The following ROBO1 variants were observed in gnomAD, a reference collection of about 807,000 sequenced individuals.
The protein encoded by ROBO1 is roundabout homolog 1.
Under a neutral mutation model 195.9 loss-of-function variants are expected in ROBO1, and 149 were observed. The ratio of observed to expected loss-of-function variants is 0.76; its 90% CI spans 0.67 to 0.87. The LOEUF (loss-of-function observed/expected upper bound fraction) is 0.87, where lower values mean the gene tolerates loss of function less well. ROBO1 is among the 40% of genes least tolerant of loss of function. The pLI, the probability that ROBO1 is intolerant of heterozygous loss-of-function variation, is 0.00. For synonymous variants in ROBO1, 816 were observed against 733.2 expected (o/e 1.11, Z -1.82); for missense variants, 1,933 against 2,068.3 (o/e 0.93, Z 1.27).
At chr3:79,043,133 T>C (rs750014211) in intron 3 of ROBO1, among the ~76,000 whole-genome samples, 8 of 152,210 alleles carry the variant, frequency 5.3e-5, no homozygotes, top group African/African-American at 1.2e-4. Flanking sequence ...CTCAAGAAGA[T>C]TGTCAATAAG....
intron 2 of ROBO1, among the ~76,000 whole-genome samples, chr3:79,209,883 C>T (rs1479473413): frequency 6.6e-6 from 1 of 152,060 alleles, no homozygotes; most frequent in Non-Finnish European, 1.5e-5. Flanking sequence ...GTAGCACTGC[C>T]ATACACCAAA....
chr3:78,725,801 G>A (rs938349521), intron 5 of ROBO1, among the ~76,000 whole-genome samples: 12 of 152,020 alleles, frequency 7.9e-5, no homozygotes, highest in African/African-American at 2.4e-4. Context: ...TGGGTTATCC[G>A]AGAGTACACA....
At chr3:78,952,032 T>G (rs1022724988) in intron 3 of ROBO1, among the ~76,000 whole-genome samples, 3 of 151,660 alleles carry the variant, frequency 2.0e-5, no homozygotes, top group Non-Finnish European at 4.4e-5. Context: ...GACATTAATA[T>G]TTACCTTATG....
chr3:78,749,271 T>C (rs1249026587), intron 4 of ROBO1, among the ~76,000 whole-genome samples: 2 of 152,156 alleles, frequency 1.3e-5, no homozygotes, highest in Non-Finnish European at 2.9e-5. Context: ...AATTTGGTAA[T>C]GCTATATCTT....
intron 2 of ROBO1, among the ~76,000 whole-genome samples, chr3:79,464,981 G>C (rs1937877049): frequency 6.6e-6 from 1 of 152,124 alleles, no homozygotes; most frequent in Non-Finnish European, 1.5e-5. Context: ...AGAGGAGAGA[G>C]GGCCCTAATC....
intron 3 of ROBO1, among the ~76,000 whole-genome samples, chr3:78,948,900 T>G (rs921844942): frequency 6.6e-6 from 1 of 151,930 alleles, no homozygotes; most frequent in African/African-American, 2.4e-5. Context: ...ATGAGTGAAC[T>G]CCCATTCACA....
intron 1 of ROBO1, among the ~76,000 whole-genome samples, chr3:79,713,005 C>T (rs1702335593): frequency 6.6e-6 from 1 of 151,924 alleles, no homozygotes. Context: ...TATACATGTG[C>T]CATGTTGGTG....
At chr3:79,557,743 A>T (rs59903510) in intron 2 of ROBO1, among the ~76,000 whole-genome samples, 36,263 of 130,250 alleles carry the variant, frequency 0.28, 5,971 homozygotes, top group Non-Finnish European at 0.32. Flanking sequence ...AACAAAAAAA[A>T]ATATATATAT....
At chr3:79,483,854 G>A (rs1939001090) in intron 2 of ROBO1, among the ~76,000 whole-genome samples, 1 of 152,082 alleles carries the variant, frequency 6.6e-6, no homozygotes, top group Admixed American at 6.5e-5. Context: ...AGCCAGTAGA[G>A]AAATCTCTAA....
intron 10 of ROBO1, among the ~76,000 whole-genome samples, chr3:78,672,357 T>C (rs900358862): frequency 2.0e-5 from 3 of 152,026 alleles, no homozygotes; most frequent in African/African-American, 4.8e-5. Flanking sequence ...GTAAGGTGGA[T>C]TGCTTAAGCC....
At chr3:78,714,994 G>T (rs10049102) in intron 7 of ROBO1, 44,804 of 152,204 alleles carry the variant, frequency 0.29, 7,120 homozygotes, top group African/African-American at 0.42. Context: ...CGGTGGCAGA[G>T]TCGAAATTTG....
intron 2 of ROBO1, among the ~76,000 whole-genome samples, chr3:79,470,334 C>G (rs1404129563): frequency 6.6e-6 from 1 of 152,130 alleles, no homozygotes; most frequent in Non-Finnish European, 1.5e-5. Context: ...ACCACATGTT[C>G]TCACTCATAG....
intron 25 of ROBO1, among the ~76,000 whole-genome samples, chr3:78,630,842 T>G (rs1429796479): frequency 6.6e-6 from 1 of 152,150 alleles, no homozygotes; most frequent in Non-Finnish European, 1.5e-5. Context: ...TCACAGAAGT[T>G]CTAATACTCA....
At chr3:79,018,650 T>A in intron 3 of ROBO1, 1 of 1,412,858 alleles carries the variant, frequency 7.1e-7, no homozygotes, top group Admixed American at 2.7e-5. Flanking sequence ...CAGAGACTTT[T>A]GCAGAGGAAG....
intron 2 of ROBO1, among the ~76,000 whole-genome samples, chr3:79,580,443 T>C (rs1943623492): frequency 6.6e-6 from 1 of 151,750 alleles, no homozygotes. Flanking sequence ...GATCACACCA[T>C]TGCACTCCAG....
At chr3:78,774,618 A>AT (rs2083459985) in intron 4 of ROBO1, among the ~76,000 whole-genome samples, 3 of 151,546 alleles carry the variant, frequency 2.0e-5, no homozygotes, top group Non-Finnish European at 2.9e-5. Context: ...AAAAAAAAAA[A>AT]ATCTACCACT....
chr3:79,190,204 A>G (rs2081512307), intron 2 of ROBO1, among the ~76,000 whole-genome samples: 1 of 151,622 alleles, frequency 6.6e-6, no homozygotes, highest in African/African-American at 2.4e-5. Context: ...CTGATTCCAC[A>G]TAGAATTCTA....
intron 1 of ROBO1, among the ~76,000 whole-genome samples, chr3:79,658,059 T>C (rs982548093): frequency 6.6e-6 from 1 of 152,014 alleles, no homozygotes; most frequent in African/African-American, 2.4e-5. Context: ...AAAGATTATT[T>C]AAAATGATAG....
intron 2 of ROBO1, among the ~76,000 whole-genome samples, chr3:79,241,638 AATAG>A (rs1173323967): frequency 2.0e-5 from 3 of 151,308 alleles, no homozygotes; most frequent in East Asian, 1.9e-4. Flanking sequence ...CATCTTACAT[AATAG>A]ATAGTAATAA....
Sources: allele counts gnomAD v4.1 joint callset (sites outside exome capture counted in the v4.1 genomes callset), GRCh38; gene constraint gnomAD v4.1.1; transcripts MANE v1.5; gene names NCBI Gene and HGNC (gene_info 2026-07-23, HGNC 2026-07-21).